The following ABCC9 variants were observed in gnomAD, a reference collection of about 807,000 sequenced individuals.
The protein encoded by ABCC9 is ATP binding cassette subfamily C member 9, also known as ATP-binding cassette sub-family C member 9.
ABCC9 carries 95 observed loss-of-function variants against 188.3 expected under a neutral mutation model. That is an observed-to-expected ratio of 0.50 (90% CI 0.43 to 0.60). The LOEUF (loss-of-function observed/expected upper bound fraction) is 0.60. Ranked by LOEUF, ABCC9 falls within the 20% of genes least tolerant of loss-of-function variation. The pLI is 0.00. For missense variants in ABCC9, 1,102 were observed against 1,876.3 expected (o/e 0.59, Z 7.62); for synonymous variants, 659 against 652.7 (o/e 1.01, Z -0.15).
intron 31 of ABCC9, among the ~76,000 whole-genome samples, chr12:21,826,265 T>A (rs967631587): frequency 2.7e-5 from 4 of 146,182 alleles, no homozygotes; most frequent in African/African-American, 7.5e-5. Context: ...TTCATTACTT[T>A]AAAAAAAAAA....
At chr12:21,846,540 A>C (rs11612085) in intron 25 of ABCC9, among the ~76,000 whole-genome samples, 1,799 of 152,042 alleles carry the variant, frequency 0.012, 11 homozygotes, top group Non-Finnish European at 0.018. Context: ...TACTATATAC[A>C]TATCAGGTTG....
chr12:21,890,620 C>A (rs1947107676), intron 14 of ABCC9, among the ~76,000 whole-genome samples: 1 of 152,106 alleles, frequency 6.6e-6, no homozygotes, highest in Admixed American at 6.6e-5. Context: ...CACATATACA[C>A]CATGGAATAC....
At position 21,799,018 on chromosome 12, in the gene ABCC9, A is replaced by C. The variant is rs1941303188; in HGVS notation, c.*2026T>G. Reference sequence around the variant, plus strand: ...AAGAACAAAAAACCAAACACCGCATATTCTCACTCATAGGTGGGAATTGAA... The same window carrying C: ...AAGAACAAAAAACCAAACACCGCATCTTCTCACTCATAGGTGGGAATTGAA... On this transcript the variant is annotated 3_prime_UTR_variant, in exon 40 of 40. Transcript: ENST00000261200. The C allele has an allele frequency of 1.4e-5, 2 of 145,776 alleles. No individual in the cohort carries two copies. Among genetic ancestry groups the C allele is most frequent in the South Asian group, 2.2e-4 (1 of 4,478 alleles). 9.0% of individuals were successfully genotyped at this position (145,776 alleles called of 1,614,324 possible).
chr12:21,828,140 C>A (rs578254717), intron 31 of ABCC9, among the ~76,000 whole-genome samples: 13 of 152,300 alleles, frequency 8.5e-5, no homozygotes, highest in African/African-American at 3.1e-4. Flanking sequence ...AAAAATTACA[C>A]TCAACTCAAC....
At chr12:21,869,139 T>C (rs562981063) in intron 18 of ABCC9, among the ~76,000 whole-genome samples, 46 of 152,208 alleles carry the variant, frequency 3.0e-4, no homozygotes, top group Non-Finnish European at 5.1e-4. Context: ...AAAACTTCGG[T>C]CCTTTCTGCA....
intron 37 of ABCC9, 51 bp downstream of exon 37, chr12:21,809,801 G>T: frequency 9.4e-7 from 1 of 1,065,012 alleles, no homozygotes; most frequent in South Asian, 1.3e-5. Flanking sequence ...ATAGACATAT[G>T]TAGGATTAAT....
At chr12:21,911,596 T>C (rs1002568355) in intron 8 of ABCC9, among the ~76,000 whole-genome samples, 2 of 152,110 alleles carry the variant, frequency 1.3e-5, no homozygotes, top group East Asian at 3.9e-4. Context: ...CAATAGCATA[T>C]GGTAACTTGT....
At chr12:21,820,987 C>A (rs1325870668) in intron 31 of ABCC9, among the ~76,000 whole-genome samples, 1 of 152,272 alleles carries the variant, frequency 6.6e-6, no homozygotes, top group East Asian at 1.9e-4. Context: ...TTATCTCCAG[C>A]AATAGGAATA....
At chr12:21,931,413 G>T (rs1367293491) in intron 4 of ABCC9, among the ~76,000 whole-genome samples, 1 of 151,490 alleles carries the variant, frequency 6.6e-6, no homozygotes, top group Non-Finnish European at 1.5e-5. Context: ...AAAAAAAGAA[G>T]TAACTAGAAG....
chr12:21,918,226 T>C (rs1162570910), intron 5 of ABCC9, among the ~76,000 whole-genome samples: 3 of 152,032 alleles, frequency 2.0e-5, no homozygotes, highest in Admixed American at 6.6e-5. Flanking sequence ...CTTTTAATAA[T>C]AATAAAAGTG....
chr12:21,801,292 G>C, intron 39 of ABCC9, 111 bp from the exon 40 acceptor site: 4 of 1,368,386 alleles, frequency 2.9e-6, no homozygotes, highest in Non-Finnish European at 4.1e-6. Context: ...ATCTTGGTGA[G>C]TGACAAGATG....
chr12:21,841,840 G>A (rs1278358484), intron 29 of ABCC9, among the ~76,000 whole-genome samples: 1 of 152,098 alleles, frequency 6.6e-6, no homozygotes, highest in East Asian at 1.9e-4. Context: ...ATACCTAAAT[G>A]AATCATAATG....
In ABCC9 at chr12:21,902,155, G is replaced by A. The variant is rs187443080; in HGVS notation, c.1618+3971C>T. Among the ~76,000 whole-genome samples the A allele has an allele frequency of 3.8e-3, 577 of 152,214 alleles. 13 individuals carry two copies. Among genetic ancestry groups the A allele is most frequent in the Admixed American group, 0.034 (520 of 15,282 alleles). ...AGGATTAAGAAACTCACTCAAAACCGCTCAACTACATGGAAACTGAACAAC... is the reference window on the plus strand; with the variant it reads ...AGGATTAAGAAACTCACTCAAAACCACTCAACTACATGGAAACTGAACAAC... On this transcript the variant is annotated intron_variant, in intron 12 of 39. Transcript: ENST00000261200.
rs761421687 is a variant in ABCC9 at position 21,860,977 on chromosome 12, T to A, written c.2418A>T (p.Gly806=). 4.3e-6 allele frequency: 7 copies of A among 1,612,228 alleles called. No homozygotes were observed. In the Admixed American group the frequency reaches 1.2e-4, roughly 27 times the overall value. ...GAAACTATATATAGCTCACCCTCTC[T>A]CCAATTTCAGTTTGATCTCCAAATG... ...LLPFGDQTEI[G]ERGINLSGGQ... The change falls in exon 21 of 40, where the codon GGA becomes GGT. Residue 806 remains glycine (G), a synonymous_variant. Coordinates refer to ENST00000261200, the MANE Select transcript of ABCC9 (RefSeq NM_020297.4).
chr12:21,909,845 C>T (rs1948234812), intron 10 of ABCC9, among the ~76,000 whole-genome samples: 2 of 151,924 alleles, frequency 1.3e-5, no homozygotes. Flanking sequence ...TTAACCTTGA[C>T]AATTCCCACA....
intron 24 of ABCC9, 79 bp downstream of exon 24, chr12:21,852,017 TA>T (rs1944994305): frequency 6.5e-7 from 1 of 1,540,024 alleles, no homozygotes; most frequent in Non-Finnish European, 8.9e-7. Flanking sequence ...GGTAATTTTT[TA>T]AAAAGCATTC....
chr12:21,909,173 C>T (rs765051921), intron 10 of ABCC9, among the ~76,000 whole-genome samples: 20 of 151,924 alleles, frequency 1.3e-4, no homozygotes, highest in Non-Finnish European at 2.4e-4. Flanking sequence ...ACCATCTAGG[C>T]AGCTACCTAA....
At position 21,926,024 on chromosome 12, in the gene ABCC9, G is replaced by A. The variant is rs770552940; in HGVS notation, c.324C>T (p.Ala108=). 8.1e-6 allele frequency: 13 copies of A among 1,614,062 alleles called. No homozygotes were observed. The highest frequency in any genetic ancestry group is 3.3e-5 in the South Asian group (3 of 91,076). ...ESRHLHLFMP[A]VMGFVATTTS... ...TTGTAGTGGCAACGAATCCCATCAC[G>A]GCTGGCATAAAGAGGTGGAGGTGCC... The change falls in exon 5 of 40, where the codon GCC becomes GCT. Residue 108 remains alanine (A), a synonymous_variant. Coordinates refer to ENST00000261200, the MANE Select transcript of ABCC9 (RefSeq NM_020297.4).
chr12:21,878,136 G>A (rs1304312546), intron 16 of ABCC9, among the ~76,000 whole-genome samples: 3 of 152,202 alleles, frequency 2.0e-5, no homozygotes, highest in African/African-American at 7.2e-5. Flanking sequence ...TGGTGACCAA[G>A]TGTGAATCCA....
Sources: gnomAD v4.1 joint callset for allele counts (sites outside exome capture counted in the v4.1 genomes callset) on GRCh38, gnomAD v4.1.1 for gene constraint, MANE v1.5 for transcripts, NCBI Gene and HGNC (gene_info 2026-07-23, HGNC 2026-07-21) for gene names.